UBR4: variants seen among roughly 807,000 people sequenced by gnomAD.
UBR4 encodes the protein E3 ubiquitin-protein ligase UBR4.
Under a neutral mutation model 575.6 loss-of-function variants are expected in UBR4, and 124 were observed. The ratio of observed to expected loss-of-function variants is 0.22; its 90% CI spans 0.19 to 0.25. UBR4 has a LOEUF of 0.25. Ranked by LOEUF, UBR4 falls within the 10% of genes least tolerant of loss-of-function variation. The pLI is 1.00. For missense variants in UBR4, 4,818 were observed against 6,478.8 expected, an observed-to-expected ratio of 0.74 and a Z score of 8.80; for synonymous variants, 2,455 against 2,473.7, an observed-to-expected ratio of 0.99 and a Z score of 0.22.
At chr1:19,199,570 T>C (rs1347903656) in intron 3 of UBR4, 81 bp downstream of exon 3, 6 of 1,323,784 alleles carry the variant, frequency 4.5e-6, no homozygotes, top group Non-Finnish European at 6.4e-6. Flanking sequence ...ACAGAAAAAG[T>C]TCACTGACCT....
rs1205880627 is a variant in UBR4, at chr1:19,105,752, C to T, written c.12484G>A (p.Val4162Ile). ...TGGTACCTGGTAAGCAGGTCCAGGA[C>T]CTGCTGCTTGCGGCTGGGAATGGTG... ...LATIPSRKQQ[V>I]LDLLTSYLDE... Residue 4162 changes from valine (V) to isoleucine (I), a missense_variant, in exon 84 of 106, where the codon GTC becomes ATC. Transcript: ENST00000375254. The T allele has an allele frequency of 3.7e-6, 6 of 1,608,966 alleles. No individual in the cohort carries two copies. The Admixed American group carries it at 6.8e-5, about 18-fold the overall frequency.
rs143170582 is a variant in UBR4, at chr1:19,201,782, G to A, written c.210C>T (p.Tyr70=). Residue 70 remains tyrosine (Y), a synonymous_variant, in exon 2 of 106, where the codon TAC becomes TAT. Coordinates refer to ENST00000375254, the MANE Select transcript of UBR4 (RefSeq NM_020765.3). ...ESEILHHEKQ[Y]EPFYSSFVAL... is the part of the protein sequence containing the mutation. The stretch of plus-strand genomic sequence containing the variant: ...CAACAAAAGATGAGTAGAATGGCTC[G>A]TACTGCTTCTCATGGTGCAGGATTT... 1,606 of 1,613,978 alleles carry A rather than the reference G, an allele frequency of 1.0e-3. 1 individual carries two copies. Among genetic ancestry groups the A allele is most frequent in the Non-Finnish European group, 1.2e-3 (1,406 of 1,179,918 alleles).
At position 19,078,943 on chromosome 1, in the gene UBR4, GT is replaced by G. The variant is rs560562861; in HGVS notation, c.15234-878del. ...AGTGAAATATCAGTGTCAGGATTCAGTTTCTACCACCCAAGCTCTACGGAGG... is the reference window on the plus strand; with the variant it reads ...AGTGAAATATCAGTGTCAGGATTCAGTTCTACCACCCAAGCTCTACGGAGG... On this transcript the variant is annotated intron_variant, in intron 103 of 105. Transcript: ENST00000375254. 3.9e-3 allele frequency: 600 copies of G among 152,224 alleles called. 3 individuals are homozygous for G. The highest frequency in any genetic ancestry group is 0.013 in the African/African-American group (533 of 41,528). 9.4% of individuals were successfully genotyped at this position (152,224 alleles called of 1,614,324 possible).
intron 77 of UBR4, chr1:19,113,388 A>G: frequency 2.8e-6 from 1 of 359,194 alleles, no homozygotes; most frequent in Non-Finnish European, 5.1e-6. Flanking sequence ...TTGGCATCAA[A>G]TTTTTTAAGA....
Position 19,110,939 on chromosome 1 carries a change from G to A in UBR4, c.11802-107C>T. 1 of 1,155,836 alleles carries A rather than the reference G, an allele frequency of 8.7e-7. No individual in the cohort carries two copies. Among genetic ancestry groups the A allele is most frequent in the Non-Finnish European group, 1.2e-6 (1 of 818,612 alleles). 71.6% of individuals were successfully genotyped at this position (1,155,836 alleles called of 1,614,324 possible). A position where few individuals can be genotyped will look rare whatever the true frequency, so the allele number is the denominator to read the frequency against. Reference sequence around the variant, plus strand: ...ATGAAATCAATGTCTAAGGCTACCTGGCCCCAAATTTTCTACTTCCTTCCC... The same window carrying A: ...ATGAAATCAATGTCTAAGGCTACCTAGCCCCAAATTTTCTACTTCCTTCCC... On this transcript the variant is annotated intron_variant, in intron 78 of 105. Coordinates refer to ENST00000375254, the MANE Select transcript of UBR4 (RefSeq NM_020765.3). This position sits in a 1 kb window ranked among gnomAD's most constrained non-coding sequence, Gnocchi z 4.5.
Position 19,105,082 on chromosome 1 carries a change from C to A in UBR4, c.12611G>T (p.Gly4204Val). The A allele has an allele frequency of 6.2e-7, 1 of 1,614,048 alleles. No individual in the cohort carries two copies. The highest frequency in any genetic ancestry group is 8.5e-7 in the Non-Finnish European group (1 of 1,179,980). Residue 4204 changes from glycine to valine, a missense_variant, in exon 85 of 106, where the codon GGA (glycine) becomes GTA (valine). Coordinates refer to ENST00000375254, the MANE Select transcript of UBR4 (RefSeq NM_020765.3). ...GAGGTTGCCCACATAGGGTAGGACT[C>A]CCCGAGCTGCCAAGTAGACTTTCCA... ...AHWKVYLAAR[G>V]VLPYVGNLIT... is the part of the protein sequence containing the mutation.
rs1420632828 is a variant in UBR4 at position 19,157,051 on chromosome 1, T to C, written c.5761-126A>G. The C allele has an allele frequency of 1.9e-6, 2 of 1,043,412 alleles. No individual in the cohort carries two copies. Among genetic ancestry groups the C allele is most frequent in the African/African-American group, 1.6e-5 (1 of 61,706 alleles). 64.6% of individuals were successfully genotyped at this position (1,043,412 alleles called of 1,614,324 possible). On this transcript the variant is annotated intron_variant, in intron 40 of 105. Coordinates refer to ENST00000375254, the MANE Select transcript of UBR4 (RefSeq NM_020765.3). This position sits in a 1 kb window ranked among gnomAD's most constrained non-coding sequence, Gnocchi z 4.4. ...CTTTTTTCTTTACAGATAAGTCTAG[T>C]AGAAAATCCTAGATCAGTATTAGTC...
At chr1:19,150,498 G>C (rs2085520026) in intron 49 of UBR4, 79 bp downstream of exon 49, 1 of 1,470,316 alleles carries the variant, frequency 6.8e-7, no homozygotes, top group Non-Finnish European at 9.4e-7. Context: ...ATTAGAAGCT[G>C]GCTCTCTCAA....
At chr1:19,129,151 C>G in intron 60 of UBR4, 77 bp from the exon 61 acceptor site, 4 of 1,216,920 alleles carry the variant, frequency 3.3e-6, no homozygotes, top group Admixed American at 1.9e-5. Context: ...CCCTCCCCAA[C>G]CCCACCCTGC....
chr1:19,194,850 A>G (rs2092351849), intron 8 of UBR4, among the ~76,000 whole-genome samples: 1 of 152,078 alleles, frequency 6.6e-6, no homozygotes, highest in Admixed American at 6.6e-5. Context: ...TTTAAAATCT[A>G]GAAGCAGGCA....
intron 60 of UBR4, 146 bp from the exon 61 acceptor site, chr1:19,129,220 G>A: frequency 1.6e-6 from 1 of 615,862 alleles, no homozygotes; most frequent in Non-Finnish European, 2.8e-6. Context: ...AAAAAAAAAA[G>A]TTAAGAACTG....
At chr1:19,122,707 C>T in intron 66 of UBR4, 126 bp downstream of exon 66, 4 of 1,069,834 alleles carry the variant, frequency 3.7e-6, no homozygotes, top group Non-Finnish European at 5.5e-6. Flanking sequence ...ACCCTCATCT[C>T]AGCCCTAACC....
Position 19,177,748 on chromosome 1 carries a change from C to T in UBR4, c.2355-5G>A. ...TGCTTCATTGTAGACAAAAACCTAC[C>T]AGAGAGAAAAGATGACTATATCTGG... On this transcript the variant is annotated splice_region_variant and splice_polypyrimidine_tract_variant and intron_variant, in intron 18 of 105. Transcript: ENST00000375254. 6.2e-7 allele frequency: 1 copy of T among 1,610,418 alleles called. No individual in the cohort carries two copies. The highest frequency in any genetic ancestry group is 8.5e-7 in the Non-Finnish European group (1 of 1,178,252).
intron 61 of UBR4, 134 bp from the exon 62 acceptor site, chr1:19,128,452 TA>T (rs2082058840): frequency 1.3e-6 from 1 of 744,150 alleles, no homozygotes; most frequent in Admixed American, 2.8e-5. Flanking sequence ...TATAGCGTTC[TA>T]AATTCCAGGT....
At chr1:19,081,270 C>T (rs2076477565) in intron 103 of UBR4, 79 bp downstream of exon 103, 4 of 1,263,402 alleles carry the variant, frequency 3.2e-6, no homozygotes, top group Admixed American at 2.3e-5. Flanking sequence ...CTTCACCTAG[C>T]ACGTGCGTAC....
intron 13 of UBR4, 125 bp downstream of exon 13, chr1:19,187,039 A>C (rs1015544882): frequency 6.4e-6 from 5 of 775,388 alleles, no homozygotes; most frequent in Non-Finnish European, 8.3e-6. Flanking sequence ...TATAAAGGTC[A>C]TGGTGTGTAG....
chr1:19,117,502 C>T lies in UBR4; in HGVS notation c.10630-88G>A. On this transcript the variant is annotated intron_variant, in intron 72 of 105. Coordinates refer to ENST00000375254, the MANE Select transcript of UBR4 (RefSeq NM_020765.3). The surrounding 1 kb of genome is among the most constrained non-coding windows in gnomAD (Gnocchi z 4.0). ...TCATCAGTGTAACCCACTCTTCATC[C>T]ACAAGATGAAGTTTCTATTTAATTT... The T allele has an allele frequency of 1.5e-6, 2 of 1,351,932 alleles. No individual in the cohort carries two copies. The highest frequency in any genetic ancestry group is 2.0e-6 in the Non-Finnish European group (2 of 977,012). 83.7% of individuals were successfully genotyped at this position (1,351,932 alleles called of 1,614,324 possible).
intron 15 of UBR4, 38 bp downstream of exon 15, chr1:19,185,061 A>G: frequency 3.7e-6 from 6 of 1,612,764 alleles, no homozygotes; most frequent in Non-Finnish European, 5.1e-6. Context: ...CTAGCTCCCC[A>G]TGTCCACTTC....
chr1:19,099,896 G>C (rs2078446557), intron 89 of UBR4, among the ~76,000 whole-genome samples: 1 of 151,874 alleles, frequency 6.6e-6, no homozygotes, highest in South Asian at 2.1e-4. Context: ...CCACACACAG[G>C]CTCCAGCTTA....
Sources: gnomAD v4.1 joint callset for allele counts (sites outside exome capture counted in the v4.1 genomes callset) on GRCh38, gnomAD v4.1.1 for gene constraint, Gnocchi (gnomAD v3.1) non-coding constraint, MANE v1.5 for transcripts, NCBI Gene and HGNC (gene_info 2026-07-23, HGNC 2026-07-21) for gene names.